Variants in ZFHX3 observed in about 807,000 individuals in gnomAD.
ZFHX3 encodes zinc finger homeobox 3, also known as zinc finger homeobox protein 3.
Under a neutral mutation model 279.1 loss-of-function variants are expected in ZFHX3, and 42 were observed. The observed-to-expected ratio is 0.15, with a 90% CI of 0.12 to 0.19. The LOEUF is 0.19. ZFHX3 is among the 10% of genes least tolerant of loss of function. ZFHX3 has a pLI of 1.00. For synonymous variants in ZFHX3, 2,293 were observed against 1,957.8 expected (o/e 1.17, Z -4.52); for missense variants, 4,981 against 4,754.0 (o/e 1.05, Z -1.40).
chr16:72,956,811 A>T (rs1328896758), intron 2 of ZFHX3, among the ~76,000 whole-genome samples: 1 of 142,950 alleles, frequency 7.0e-6, no homozygotes, highest in Admixed American at 7.5e-5. Context: ...TCTAATCACC[A>T]AGTACTCATC....
At chr16:73,252,572 A>C (rs1663475615) in intron 5 of ZFHX3, among the ~76,000 whole-genome samples, 2 of 152,112 alleles carry the variant, frequency 1.3e-5, no homozygotes. Context: ...GGGCACTGGG[A>C]GTTTAAGTTC....
At position 72,788,752 on chromosome 16, in the gene ZFHX3, G is replaced by A. The variant is rs980516581; in HGVS notation, c.9524C>T (p.Ser3175Leu). 6.3e-7 allele frequency: 1 copy of A among 1,581,672 alleles called. No individual in the cohort carries two copies. Among genetic ancestry groups the A allele is most frequent in the Admixed American group, 1.8e-5 (1 of 55,996 alleles). The change falls in exon 10 of 10, where the codon TCA becomes TTA. Residue 3175 changes from serine (S) to leucine (L), a missense_variant. This residue lies in a region of ZFHX3 where 1,034 missense variants were observed against 786.0 expected (regional missense o/e 1.32). Coordinates refer to ENST00000268489, the MANE Select transcript of ZFHX3 (RefSeq NM_006885.4). Reference sequence around the variant, plus strand: ...TGGGGTTGGGGAGCTCAGCGACGCTGAGGACGGTTTATTTGGTAATCCAGA... The same window carrying A: ...TGGGGTTGGGGAGCTCAGCGACGCTAAGGACGGTTTATTTGGTAATCCAGA... ...PTSGLPNKPS[S>L]ASLSSPTPAQ...
chr16:73,531,102 C>T (rs2019793142), intron 2 of ZFHX3, among the ~76,000 whole-genome samples: 1 of 152,178 alleles, frequency 6.6e-6, no homozygotes, highest in African/African-American at 2.4e-5. Context: ...AGTTGCATGG[C>T]TTTTTAGAGA....
intron 1 of ZFHX3, among the ~76,000 whole-genome samples, chr16:73,890,440 G>A (rs1298963312): frequency 6.6e-6 from 1 of 152,126 alleles, no homozygotes; most frequent in Non-Finnish European, 1.5e-5. Flanking sequence ...GTTTGGTTTT[G>A]TTATTAAAGG....
chr16:72,980,443 C>T (rs940969715), intron 1 of ZFHX3, among the ~76,000 whole-genome samples: 1 of 152,048 alleles, frequency 6.6e-6, no homozygotes, highest in South Asian at 2.1e-4. Context: ...TGAATTGCAA[C>T]TTGGGATTAG....
At chr16:73,028,333 A>G (rs1200743699) in intron 1 of ZFHX3, among the ~76,000 whole-genome samples, 1 of 152,168 alleles carries the variant, frequency 6.6e-6, no homozygotes, top group Non-Finnish European at 1.5e-5. Flanking sequence ...CCATCCATCA[A>G]GGTGCCGGAC....
chr16:73,716,699 C>A (rs1237159119), intron 1 of ZFHX3, among the ~76,000 whole-genome samples: 3 of 151,860 alleles, frequency 2.0e-5, no homozygotes, highest in Admixed American at 2.0e-4. Context: ...ATAATTGAAC[C>A]GGTCCGAGCG....
intron 2 of ZFHX3, among the ~76,000 whole-genome samples, chr16:73,503,024 A>G (rs2019266077): frequency 6.6e-6 from 1 of 152,200 alleles, no homozygotes; most frequent in Non-Finnish European, 1.5e-5. Context: ...GATCAGTCCC[A>G]TTATGTTGTG....
rs568941207 is a variant in ZFHX3, at chr16:73,522,999, A to G, written c.-1546-66741T>C. Among the ~76,000 whole-genome samples the G allele has an allele frequency of 1.3e-4, 20 of 152,222 alleles. No individual in the cohort carries two copies. In the South Asian group the frequency reaches 2.7e-3, roughly 21 times the overall value. ...TGCAGGTAACTGCGCCCATAATTCAATTACCTCCCACTGGGTCCCTCCCAC... is the reference window on the plus strand; with the variant it reads ...TGCAGGTAACTGCGCCCATAATTCAGTTACCTCCCACTGGGTCCCTCCCAC... On this transcript the variant is annotated intron_variant, in intron 2 of 17. Transcript: ENST00000641206.
At chr16:73,678,081 T>C (rs2052972786) in intron 2 of ZFHX3, among the ~76,000 whole-genome samples, 2 of 152,232 alleles carry the variant, frequency 1.3e-5, no homozygotes, top group South Asian at 2.1e-4. Flanking sequence ...GAGACAAGTT[T>C]GGCATTACCA....
At chr16:73,072,979 C>T (rs1965843510) in intron 8 of ZFHX3, among the ~76,000 whole-genome samples, 3 of 152,224 alleles carry the variant, frequency 2.0e-5, no homozygotes, top group South Asian at 2.1e-4. Flanking sequence ...TCACTGCAAC[C>T]TCCATTTCCC....
chr16:73,136,487 G>A (rs1966795901), intron 6 of ZFHX3, among the ~76,000 whole-genome samples: 1 of 152,046 alleles, frequency 6.6e-6, no homozygotes, highest in Non-Finnish European at 1.5e-5. Flanking sequence ...ACTCTGGGAG[G>A]CCAAAGCAGA....
intron 4 of ZFHX3, among the ~76,000 whole-genome samples, chr16:73,270,669 T>A (rs1039905823): frequency 4.6e-5 from 7 of 152,198 alleles, no homozygotes; most frequent in Non-Finnish European, 7.3e-5. Context: ...TGGAAGGCAT[T>A]CATGGTATAT....
chr16:73,370,347 T>G (rs982493086), intron 3 of ZFHX3, among the ~76,000 whole-genome samples: 2 of 152,218 alleles, frequency 1.3e-5, no homozygotes, highest in African/African-American at 4.8e-5. Context: ...TTTTTATTTT[T>G]TAGCAGACTG....
chr16:73,797,645 G>T (rs1294600833), intron 1 of ZFHX3, among the ~76,000 whole-genome samples: 1 of 102,976 alleles, frequency 9.7e-6, no homozygotes, highest in Non-Finnish European at 2.2e-5. Flanking sequence ...GTAGAGATTT[G>T]GATCTACACT....
At chr16:73,739,021 C>T (rs2053631651) in intron 1 of ZFHX3, among the ~76,000 whole-genome samples, 1 of 152,224 alleles carries the variant, frequency 6.6e-6, no homozygotes, top group Non-Finnish European at 1.5e-5. Flanking sequence ...TAGGCACCAG[C>T]AATGCCATCT....
rs370330875 is a variant in ZFHX3 at position 73,230,490 on chromosome 16, T to C, written c.-1104+26557A>G. ...TAGGCCACTTCTGAATCCTCCCTAG[T>C]GCCCCATTCTGGCCCATTTGGCCTC... On this transcript the variant is annotated intron_variant, in intron 5 of 17. Coordinates refer to the ZFHX3 transcript ENST00000641206. Among the ~76,000 whole-genome samples the C allele has an allele frequency of 2.0e-5, 3 of 152,308 alleles. No homozygotes were observed. The South Asian group carries it at 6.2e-4, about 32-fold the overall frequency.
intron 2 of ZFHX3, among the ~76,000 whole-genome samples, chr16:73,511,749 T>C (rs191705842): frequency 1.3e-5 from 2 of 152,176 alleles, no homozygotes; most frequent in Admixed American, 6.5e-5. Context: ...GCAAAGGAGA[T>C]GAAATGCACA....
At chr16:73,782,179 G>C (rs1047019313) in intron 1 of ZFHX3, among the ~76,000 whole-genome samples, 1 of 152,164 alleles carries the variant, frequency 6.6e-6, no homozygotes, top group Non-Finnish European at 1.5e-5. Context: ...CGGAGCTCCT[G>C]TGTCCAAATG....
Sources: gnomAD v4.1 joint callset for allele counts (sites outside exome capture counted in the v4.1 genomes callset) on GRCh38, gnomAD v4.1.1 for gene constraint, gnomAD v4.1.1 regional missense constraint, MANE v1.5 for transcripts, NCBI Gene and HGNC (gene_info 2026-07-23, HGNC 2026-07-21) for gene names.